The following SOAT1 variants were observed in gnomAD, a reference collection of about 807,000 sequenced individuals.
SOAT1 encodes the protein sterol O-acyltransferase 1, also known as acyl-coenzyme A:cholesterol acyltransferase 1.
In SOAT1, 55 loss-of-function variants were observed where a neutral mutation model predicts 69.5. The observed-to-expected ratio is 0.79, with a 90% CI of 0.64 to 0.99. The LOEUF is 0.99. SOAT1 is among the 50% of genes least tolerant of loss of function. The pLI is 0.00. For synonymous variants in SOAT1, 231 were observed against 224.7 expected (o/e 1.03, Z -0.25); for missense variants, 580 against 669.3 (o/e 0.87, Z 1.47).
chr1:179,337,576 G>A (rs1200715098), intron 4 of SOAT1, among the ~76,000 whole-genome samples: 2 of 152,164 alleles, frequency 1.3e-5, no homozygotes, highest in Non-Finnish European at 2.9e-5. Flanking sequence ...GGCTGGGTGT[G>A]GCGAGCTTTC....
intron 2 of SOAT1, among the ~76,000 whole-genome samples, chr1:179,306,835 A>G (rs974883824): frequency 3.3e-5 from 5 of 150,930 alleles, no homozygotes; most frequent in African/African-American, 1.2e-4. Context: ...CATCTCAAAA[A>G]AAAAAAAAAA....
chr1:179,317,757 A>G (rs1410311268), intron 2 of SOAT1, among the ~76,000 whole-genome samples: 1 of 150,856 alleles, frequency 6.6e-6, no homozygotes, highest in Non-Finnish European at 1.5e-5. Context: ...CTGTGCACAT[A>G]ATGACGTCTG....
chr1:179,329,728 AAG>A (rs1553246210), intron 3 of SOAT1, among the ~76,000 whole-genome samples: 1 of 152,004 alleles, frequency 6.6e-6, no homozygotes, highest in Non-Finnish European at 1.5e-5. Flanking sequence ...AAAAAAAAAA[AAG>A]AAGTTTTTGG....
At chr1:179,311,075 T>G (rs1241114777) in intron 2 of SOAT1, among the ~76,000 whole-genome samples, 2 of 152,130 alleles carry the variant, frequency 1.3e-5, no homozygotes, top group Non-Finnish European at 2.9e-5. Context: ...ATTTTAAAAA[T>G]AGAAATGAGG....
intron 12 of SOAT1, 54 bp from the exon 13 acceptor site, chr1:179,348,790 G>GTGTGTT: frequency 2.4e-6 from 1 of 420,706 alleles, no homozygotes; most frequent in East Asian, 5.5e-5. Flanking sequence ...GTGTGTGTGT[G>GTGTGTT]TGTGTGTGTG....
rs145715906 is a variant in SOAT1, at chr1:179,307,732, A to G, written c.118+4930A>G. Among the ~76,000 whole-genome samples the G allele has an allele frequency of 3.9e-4, 60 of 152,306 alleles. No homozygotes were observed. The East Asian group carries it at 9.8e-3, about 25-fold the overall frequency. On this transcript the variant is annotated intron_variant, in intron 2 of 15. Coordinates refer to ENST00000367619, the MANE Select transcript of SOAT1 (RefSeq NM_003101.6). ...TTAGGTTACCTTTTATGCAAAGCCA[A>G]GGATAGCAAATATGAAAGCACTTTC...
chr1:179,339,646 A>T, intron 6 of SOAT1, 101 bp downstream of exon 6: 2 of 629,832 alleles, frequency 3.2e-6, no homozygotes, highest in Non-Finnish European at 5.3e-6. Flanking sequence ...GCTTCAGGAA[A>T]TCCTAAAGCA....
chr1:179,342,023 T>C (rs911107112), intron 7 of SOAT1, 91 bp from the exon 8 acceptor site: 9 of 1,513,448 alleles, frequency 5.9e-6, no homozygotes, highest in Non-Finnish European at 7.1e-6. Flanking sequence ...TTTCTGACTT[T>C]ACTGGCTATC....
At chr1:179,316,388 C>T (rs1439789813) in intron 2 of SOAT1, among the ~76,000 whole-genome samples, 6 of 151,554 alleles carry the variant, frequency 4.0e-5, no homozygotes, top group East Asian at 1.9e-4. Flanking sequence ...ATATCTAAGT[C>T]GATTATTATT....
Position 179,358,169 on chromosome 1 carries a change from C to T in SOAT1, c.*4528C>T, listed in dbSNP as rs999652133. 2.0e-5 allele frequency: 3 copies of T among 152,178 alleles called. No individual in the cohort carries two copies. Among genetic ancestry groups the T allele is most frequent in the African/African-American group, 7.2e-5 (3 of 41,452 alleles). The allele number at this position is 152,178 out of a possible 1,614,324, so 9.4% of individuals were successfully genotyped here. On this transcript the variant is annotated 3_prime_UTR_variant, in exon 16 of 16. Transcript: ENST00000367619. ...AAAAGACTTTAATAGCTAATTTGGACTTCAGAAAATGGGTTAATTTCACGA... is the reference window on the plus strand; with the variant it reads ...AAAAGACTTTAATAGCTAATTTGGATTTCAGAAAATGGGTTAATTTCACGA...
At chr1:179,346,268 C>G (rs1272192024) in intron 11 of SOAT1, among the ~76,000 whole-genome samples, 2 of 152,144 alleles carry the variant, frequency 1.3e-5, no homozygotes, top group Admixed American at 6.6e-5. Context: ...TATAGCCAAT[C>G]ACAGTCTCTC....
In SOAT1 at chr1:179,354,471, A is replaced by G. The variant is rs1224449121; in HGVS notation, c.*830A>G. 1 of 152,254 alleles carries G rather than the reference A, an allele frequency of 6.6e-6. No individual in the cohort carries two copies. Among genetic ancestry groups the G allele is most frequent in the Non-Finnish European group, 1.5e-5 (1 of 68,020 alleles). 9.4% of individuals were successfully genotyped at this position (152,254 alleles called of 1,614,324 possible). A position where few individuals can be genotyped will look rare whatever the true frequency, so the allele number is the denominator to read the frequency against. The stretch of plus-strand genomic sequence containing the variant: ...TAAATTATTTTATCACAAACTTAAC[A>G]TGGAAGATATTCCTTTTTAACTTTG... On this transcript the variant is annotated 3_prime_UTR_variant, in exon 16 of 16. Transcript: ENST00000367619.
chr1:179,315,315 G>T lies in SOAT1; in HGVS notation c.119-8122G>T, dbSNP rs576342592. Among the ~76,000 whole-genome samples, 139 of 152,060 alleles carry T rather than the reference G, an allele frequency of 9.1e-4. 2 individuals carry two copies. Among genetic ancestry groups the T allele is most frequent in the African/African-American group, 3.3e-3 (135 of 41,480 alleles). On this transcript the variant is annotated intron_variant, in intron 2 of 15. Transcript: ENST00000367619. ...TTTTTTTAATTAGGTGGGTGTGGTG[G>T]CATGTGAGTGTGGTGGCATGTGCCT...
At chr1:179,345,697 C>CATGCCA (rs886215555) in intron 11 of SOAT1, among the ~76,000 whole-genome samples, 7 of 152,006 alleles carry the variant, frequency 4.6e-5, no homozygotes, top group Admixed American at 3.3e-4. Context: ...ACTACAGGTG[C>CATGCCA]ATGCCACCAT....
chr1:179,347,950 A>G (rs1021023475), intron 12 of SOAT1, among the ~76,000 whole-genome samples: 2 of 152,170 alleles, frequency 1.3e-5, no homozygotes, highest in South Asian at 2.1e-4. Flanking sequence ...CTGCAAGGAT[A>G]TATTGGTGAT....
chr1:179,338,897 A>G (rs1343046314), intron 5 of SOAT1, among the ~76,000 whole-genome samples: 3 of 152,132 alleles, frequency 2.0e-5, no homozygotes, highest in Non-Finnish European at 2.9e-5. Context: ...TTATCTTTCC[A>G]AAAACAAGTT....
intron 13 of SOAT1, among the ~76,000 whole-genome samples, chr1:179,350,016 AT>A (rs1436624327): frequency 1.3e-5 from 2 of 152,204 alleles, no homozygotes; most frequent in Non-Finnish European, 2.9e-5. Context: ...AATATGTTTC[AT>A]TTATATAGGA....
chr1:179,316,912 T>C (rs1479812227), intron 2 of SOAT1, among the ~76,000 whole-genome samples: 1 of 152,168 alleles, frequency 6.6e-6, no homozygotes, highest in Non-Finnish European at 1.5e-5. Context: ...ATTATATTTC[T>C]ACCATAAAAA....
chr1:179,319,330 C>T (rs902339487), intron 2 of SOAT1, among the ~76,000 whole-genome samples: 5 of 147,274 alleles, frequency 3.4e-5, no homozygotes, highest in East Asian at 2.0e-4. Flanking sequence ...AGAGCAATGG[C>T]GCGATCTCGG....
Sources: gnomAD v4.1 joint callset for allele counts (sites outside exome capture counted in the v4.1 genomes callset) on GRCh38, gnomAD v4.1.1 for gene constraint, MANE v1.5 for transcripts, NCBI Gene and HGNC (gene_info 2026-07-23, HGNC 2026-07-21) for gene names.